AFF1: variants seen among roughly 807,000 people sequenced by gnomAD.
AFF1 encodes ALF transcription elongation factor 1, also known as AF4/FMR2 family member 1.
AFF1 carries 48 observed loss-of-function variants against 121.7 expected under a neutral mutation model. The observed-to-expected ratio is 0.39, with a 90% CI of 0.31 to 0.50. AFF1 has a LOEUF of 0.50. Ranked by LOEUF, AFF1 falls within the 20% of genes least tolerant of loss-of-function variation. The pLI is 0.76. For synonymous variants in AFF1, 613 were observed against 563.0 expected, an observed-to-expected ratio of 1.09 and a Z score of -1.26; for missense variants, 1,523 against 1,511.7, an observed-to-expected ratio of 1.01 and a Z score of -0.12.
chr4:87,052,628 T>C (rs1731388129), intron 4 of AFF1, among the ~76,000 whole-genome samples: 1 of 152,094 alleles, frequency 6.6e-6, no homozygotes, highest in Non-Finnish European at 1.5e-5. Flanking sequence ...TATCTACTTT[T>C]TTTTTTTCTT....
At chr4:86,990,323 A>T (rs1052381731) in intron 2 of AFF1, among the ~76,000 whole-genome samples, 9 of 71,910 alleles carry the variant, frequency 1.3e-4, no homozygotes, top group African/African-American at 9.2e-4. Context: ...TCCCTATTTA[A>T]AAAAAAAAAA....
In AFF1 at chr4:87,078,775, A is replaced by G. The variant is rs555336490; in HGVS notation, c.1060-5345A>G. Among the ~76,000 whole-genome samples the G allele has an allele frequency of 5.9e-5, 9 of 152,280 alleles. No individual in the cohort carries two copies. In the East Asian group the frequency reaches 1.7e-3, roughly 29 times the overall value. The stretch of plus-strand genomic sequence containing the variant: ...ACACATTTGAAGAAAAATAGCTTGG[A>G]CATTTATTTTACTCTCTTAAAAATT... On this transcript the variant is annotated intron_variant, in intron 4 of 20. Transcript: ENST00000395146.
intron 2 of AFF1, among the ~76,000 whole-genome samples, chr4:87,031,166 A>G (rs1199777469): frequency 6.6e-6 from 1 of 152,134 alleles, no homozygotes; most frequent in Non-Finnish European, 1.5e-5. Flanking sequence ...AGTATCAGGC[A>G]TGCTTTCGGA....
rs1382017474 is a variant in AFF1, at chr4:87,137,396, T to TC, written c.*1696dup. 4.3e-6 allele frequency: 1 copy of TC among 230,128 alleles called. No homozygotes were observed. The highest frequency in any genetic ancestry group is 8.6e-6 in the Non-Finnish European group (1 of 115,948). 14.3% of individuals were successfully genotyped at this position (230,128 alleles called of 1,614,324 possible). ...GTTTGTAAATACACAAAGGGATGTG[T>TC]CGAGGGATGGGAGCGATGCTTATCT... On this transcript the variant is annotated 3_prime_UTR_variant, in exon 21 of 21. Coordinates refer to ENST00000395146, the MANE Select transcript of AFF1 (RefSeq NM_001166693.3).
chr4:87,031,985 A>G (rs1038319652), intron 2 of AFF1, among the ~76,000 whole-genome samples: 2 of 152,202 alleles, frequency 1.3e-5, no homozygotes, highest in Non-Finnish European at 2.9e-5. Flanking sequence ...TGAACTGCCT[A>G]TTGGTAGTGA....
chr4:86,961,128 G>T lies in AFF1; in HGVS notation c.38+12557G>T, dbSNP rs117918738. On this transcript the variant is annotated intron_variant, in intron 2 of 20. Transcript: ENST00000395146. ...TTGATATCAGAATGGTGAGAATGTG[G>T]GAGACACCACCAGTTAACCCTGCCT... Among the ~76,000 whole-genome samples, 78 of 152,100 alleles carry T rather than the reference G, an allele frequency of 5.1e-4. 3 individuals are homozygous for T. In the East Asian group the frequency reaches 0.015, roughly 29 times the overall value.
intron 2 of AFF1, among the ~76,000 whole-genome samples, chr4:87,013,073 C>T (rs1158757059): frequency 1.8e-5 from 2 of 111,318 alleles, no homozygotes; most frequent in African/African-American, 7.6e-5. Flanking sequence ...GACGGAGTTT[C>T]GCTCTTGTTG....
intron 8 of AFF1, among the ~76,000 whole-genome samples, chr4:87,097,323 T>C (rs1724976007): frequency 6.6e-6 from 1 of 152,164 alleles, no homozygotes; most frequent in Non-Finnish European, 1.5e-5. Context: ...CAGCTGGGTC[T>C]GATCTACGCC....
chr4:87,007,233 G>C (rs1726231793), intron 2 of AFF1: 5 of 1,470,002 alleles, frequency 3.4e-6, no homozygotes, highest in Admixed American at 5.4e-5. Flanking sequence ...GGCCGAGCCC[G>C]GGGCTGCGCC....
intron 2 of AFF1, among the ~76,000 whole-genome samples, chr4:87,034,863 T>C (rs1729408469): frequency 6.6e-6 from 1 of 152,246 alleles, no homozygotes. Flanking sequence ...AGCAGAATTC[T>C]GAATCATTGG....
chr4:87,024,461 G>T (rs116273232), intron 2 of AFF1, among the ~76,000 whole-genome samples: 1 of 152,076 alleles, frequency 6.6e-6, no homozygotes, highest in African/African-American at 2.4e-5. Context: ...TACTGCATGG[G>T]GAATTTGGAG....
intron 1 of AFF1, among the ~76,000 whole-genome samples, chr4:86,942,736 TCTC>T (rs749591313): frequency 5.3e-5 from 8 of 152,136 alleles, no homozygotes; most frequent in Non-Finnish European, 1.0e-4. Flanking sequence ...ACCTTCCTCT[TCTC>T]CTCCTCTTCG....
At chr4:87,066,798 G>A (rs1470597895) in intron 4 of AFF1, among the ~76,000 whole-genome samples, 1 of 152,172 alleles carries the variant, frequency 6.6e-6, no homozygotes, top group Non-Finnish European at 1.5e-5. Flanking sequence ...CACTTTCCTG[G>A]TGGACAGCAC....
At chr4:87,120,315 C>T (rs1560648536) in intron 12 of AFF1, among the ~76,000 whole-genome samples, 1 of 152,216 alleles carries the variant, frequency 6.6e-6, no homozygotes. Context: ...CCCTGAATTT[C>T]CCCAAAGACT....
intron 2 of AFF1, among the ~76,000 whole-genome samples, chr4:86,987,932 G>C (rs1024744570): frequency 1.0e-5 from 1 of 98,322 alleles, no homozygotes; most frequent in Non-Finnish European, 2.1e-5. Context: ...CAGCTTGGGG[G>C]ACAGAGTGAG....
In AFF1 at chr4:87,138,376, C is replaced by G. The variant is rs762153150; in HGVS notation, c.*2675C>G. 2 of 231,610 alleles carry G rather than the reference C, an allele frequency of 8.6e-6. No individual in the cohort carries two copies. The highest frequency in any genetic ancestry group is 1.7e-5 in the Non-Finnish European group (2 of 117,370). 14.3% of individuals were successfully genotyped at this position (231,610 alleles called of 1,614,324 possible). On this transcript the variant is annotated 3_prime_UTR_variant, in exon 21 of 21. Coordinates refer to ENST00000395146, the MANE Select transcript of AFF1 (RefSeq NM_001166693.3). ...GAAAGGGCTAGATTATAAAATTAAGCCTTAGAGTATGGAAAGTTCTTATAA... is the reference window on the plus strand; with the variant it reads ...GAAAGGGCTAGATTATAAAATTAAGGCTTAGAGTATGGAAAGTTCTTATAA...
intron 2 of AFF1, among the ~76,000 whole-genome samples, chr4:87,034,634 A>C (rs1729385083): frequency 6.6e-6 from 1 of 152,236 alleles, no homozygotes; most frequent in African/African-American, 2.4e-5. Flanking sequence ...TTTATGACTA[A>C]TTAATAAGTA....
intron 1 of AFF1, among the ~76,000 whole-genome samples, chr4:86,938,449 C>CA (rs35867614): frequency 0.037 from 3,643 of 99,750 alleles, 158 homozygotes; most frequent in African/African-American, 0.12. Flanking sequence ...GACTCCGTCT[C>CA]AAAAAAAAAA....
At chr4:86,949,594 AGAG>A (rs1721148092) in intron 2 of AFF1, 1 of 1,107,802 alleles carries the variant, frequency 9.0e-7, no homozygotes, top group Non-Finnish European at 1.3e-6. Flanking sequence ...CGGGTGCTGG[AGAG>A]CTGTGGGCCC....
Sources: gnomAD v4.1 joint callset for allele counts (sites outside exome capture counted in the v4.1 genomes callset) on GRCh38, gnomAD v4.1.1 for gene constraint, MANE v1.5 for transcripts, NCBI Gene and HGNC (gene_info 2026-07-23, HGNC 2026-07-21) for gene names.